Variants in FAM107B observed in about 807,000 individuals in gnomAD.
FAM107B encodes the protein protein FAM107B.
In FAM107B, 21 loss-of-function variants were observed where a neutral mutation model predicts 31.5. The ratio of observed to expected loss-of-function variants is 0.67; its 90% confidence interval spans 0.47 to 0.96. The LOEUF (loss-of-function observed/expected upper bound fraction) is 0.96. Ranked by LOEUF, FAM107B falls within the 40% of genes least tolerant of loss-of-function variation. The probability of loss-of-function intolerance (pLI) is 0.00; values close to 1 mark genes in which losing one functional copy is unlikely to be tolerated. For synonymous variants in FAM107B, 157 were observed against 141.5 expected, an observed-to-expected ratio of 1.11 and a Z score of -0.78; for missense variants, 452 against 377.1, an observed-to-expected ratio of 1.20 and a Z score of -1.64.
At chr10:14,532,534 C>T (rs1015935987) in intron 2 of FAM107B, 1 of 152,154 alleles carries the variant, frequency 6.6e-6, no homozygotes, top group Non-Finnish European at 1.5e-5. Context: ...AGTTGCATTG[C>T]TCTTTTAACA....
At chr10:14,588,579 G>A (rs984140067) in intron 2 of FAM107B, among the ~76,000 whole-genome samples, 7 of 152,070 alleles carry the variant, frequency 4.6e-5, no homozygotes, top group Non-Finnish European at 1.5e-5. Flanking sequence ...GCTCTTTGTG[G>A]GCAGCGCAAG....
intron 2 of FAM107B, among the ~76,000 whole-genome samples, chr10:14,595,849 C>G (rs144873544): frequency 1.3e-5 from 2 of 152,200 alleles, no homozygotes; most frequent in East Asian, 3.9e-4. Flanking sequence ...GTATCAACTC[C>G]AATCCATCTC....
rs188298033 is a variant in FAM107B at position 14,541,998 on chromosome 10, G to A, written c.470-11483C>T. Among the ~76,000 whole-genome samples, 74 of 152,228 alleles carry A rather than the reference G, an allele frequency of 4.9e-4. 1 individual carries two copies. The highest frequency in any genetic ancestry group is 3.5e-4 in the Non-Finnish European group (24 of 68,004). ...GGGCCGGGCACAGTGGCTCACGCCT[G>A]TAAATCCCATCACTTTTGAGAGGCT... On this transcript the variant is annotated intron_variant, in intron 2 of 4. Transcript: ENST00000181796.
chr10:14,559,917 C>A (rs994777942), intron 2 of FAM107B, among the ~76,000 whole-genome samples: 2 of 152,070 alleles, frequency 1.3e-5, no homozygotes, highest in Non-Finnish European at 2.9e-5. Flanking sequence ...ACTGTAAGAG[C>A]CTTCTCTAAA....
intron 1 of FAM107B, among the ~76,000 whole-genome samples, chr10:14,757,736 T>TA (rs1402487816): frequency 6.6e-6 from 1 of 152,218 alleles, no homozygotes; most frequent in African/African-American, 2.4e-5. Flanking sequence ...GAGGATTTCT[T>TA]AAAGCAGGCA....
At chr10:14,629,391 A>T (rs61842733) in intron 2 of FAM107B, among the ~76,000 whole-genome samples, 16 of 27,972 alleles carry the variant, frequency 5.7e-4, no homozygotes, top group East Asian at 1.1e-3. Context: ...TAATATATAT[A>T]ATATATATTA....
chr10:14,665,920 C>T (rs553197931), intron 2 of FAM107B, among the ~76,000 whole-genome samples: 8 of 152,048 alleles, frequency 5.3e-5, no homozygotes, highest in South Asian at 2.1e-4. Context: ...TTTTTCATAT[C>T]GCAGAAATCT....
chr10:14,709,957 T>C (rs56100336), intron 1 of FAM107B, among the ~76,000 whole-genome samples: 7,214 of 151,998 alleles, frequency 0.047, 282 homozygotes, highest in African/African-American at 0.11. Flanking sequence ...GCACAGGAGA[T>C]TTTCAGGACA....
At chr10:14,668,904 A>T (rs1854472978) in intron 1 of FAM107B, among the ~76,000 whole-genome samples, 1 of 152,220 alleles carries the variant, frequency 6.6e-6, no homozygotes, top group Non-Finnish European at 1.5e-5. Flanking sequence ...GTAGGGTTCC[A>T]TAAATAAAAA....
At chr10:14,770,260 C>T (rs949861014) in intron 1 of FAM107B, among the ~76,000 whole-genome samples, 7 of 152,152 alleles carry the variant, frequency 4.6e-5, no homozygotes, top group Non-Finnish European at 8.8e-5. Context: ...CGCGGTGGCT[C>T]ACACCTGTAA....
intron 1 of FAM107B, among the ~76,000 whole-genome samples, chr10:14,694,509 G>A (rs567315818): frequency 1.5e-4 from 23 of 152,090 alleles, no homozygotes; most frequent in African/African-American, 4.8e-4. Flanking sequence ...TCAGCCTCCC[G>A]AGTAGCTGGG....
At chr10:14,558,680 G>A (rs1036931855) in intron 2 of FAM107B, among the ~76,000 whole-genome samples, 1 of 152,134 alleles carries the variant, frequency 6.6e-6, no homozygotes, top group Non-Finnish European at 1.5e-5. Context: ...AGGAAGGACT[G>A]GAAAACTGGG....
chr10:14,613,281 T>C (rs750729204), intron 2 of FAM107B, among the ~76,000 whole-genome samples: 2 of 152,186 alleles, frequency 1.3e-5, no homozygotes, highest in Non-Finnish European at 2.9e-5. Context: ...CCATAAACTT[T>C]CAATGAATTG....
At chr10:14,705,861 C>T (rs531565682) in intron 1 of FAM107B, among the ~76,000 whole-genome samples, 4 of 152,188 alleles carry the variant, frequency 2.6e-5, no homozygotes, top group African/African-American at 7.2e-5. Flanking sequence ...AACAGATGCC[C>T]TTTTGTCAAC....
At chr10:14,767,035 TATATATATATATATATATATAGAGAG>T (rs1436232434) in intron 1 of FAM107B, among the ~76,000 whole-genome samples, 1 of 28,122 alleles carries the variant, frequency 3.6e-5, no homozygotes, top group Non-Finnish European at 8.1e-5. Flanking sequence ...TATATATATA[TATATATATATATATATATATAGAGAG>T]AGAGAGAGAG....
At chr10:14,550,502 T>A (rs1380598737) in intron 2 of FAM107B, among the ~76,000 whole-genome samples, 2 of 152,158 alleles carry the variant, frequency 1.3e-5, no homozygotes, top group Non-Finnish European at 2.9e-5. Flanking sequence ...TTGCCCAAAG[T>A]CTCAACACAC....
At chr10:14,538,481 C>G (rs1420517057) in intron 2 of FAM107B, among the ~76,000 whole-genome samples, 1 of 152,176 alleles carries the variant, frequency 6.6e-6, no homozygotes, top group African/African-American at 2.4e-5. Context: ...ATACTGCATG[C>G]GTCCATGTAC....
chr10:14,621,037 G>C (rs984733294), intron 2 of FAM107B, among the ~76,000 whole-genome samples: 4 of 152,100 alleles, frequency 2.6e-5, no homozygotes, highest in African/African-American at 9.7e-5. Context: ...GATTGACCTT[G>C]TATCTTATGA....
At chr10:14,534,230 G>C (rs1028151208) in intron 2 of FAM107B, among the ~76,000 whole-genome samples, 1 of 152,124 alleles carries the variant, frequency 6.6e-6, no homozygotes, top group African/African-American at 2.4e-5. Context: ...AGGCCACACT[G>C]GGGTCTGGGA....
Sources: gnomAD v4.1 joint callset for allele counts (sites outside exome capture counted in the v4.1 genomes callset) on GRCh38, gnomAD v4.1.1 for gene constraint, MANE v1.5 for transcripts, NCBI Gene and HGNC (gene_info 2026-07-23, HGNC 2026-07-21) for gene names.